The following IL1RL1 variants were observed in gnomAD, a reference collection of about 807,000 sequenced individuals.
The protein encoded by IL1RL1 is interleukin 1 receptor like 1, also known as interleukin-1 receptor-like 1.
Under a neutral mutation model 50.9 loss-of-function variants are expected in IL1RL1, and 32 were observed. The ratio of observed to expected loss-of-function variants is 0.63; its 90% CI spans 0.47 to 0.84. IL1RL1 has a LOEUF of 0.84. IL1RL1 is among the 40% of genes least tolerant of loss of function. The probability of loss-of-function intolerance (pLI) is 0.00; values close to 1 mark genes in which losing one functional copy is unlikely to be tolerated. For missense variants in IL1RL1, 773 were observed against 662.9 expected (o/e 1.17, Z -1.82); for synonymous variants, 275 against 236.0 (o/e 1.17, Z -1.51).
intron 8 of IL1RL1, chr2:102,345,436 G>T (rs772299753): frequency 3.9e-5 from 38 of 985,074 alleles, no homozygotes; most frequent in Non-Finnish European, 4.5e-5. Flanking sequence ...CTCCTCAGGG[G>T]CTGTACAATC....
chr2:102,351,781 A>T lies in IL1RL1; in HGVS notation c.1531A>T (p.Lys511Ter). The change falls in exon 11 of 11, where the codon AAG (lysine) becomes TAG (stop). Residue 511 changes from lysine to a stop codon, truncating the protein, a stop_gained. Coordinates refer to ENST00000233954, the MANE Select transcript of IL1RL1 (RefSeq NM_016232.5). LOFTEE classifies it low-confidence loss of function (END_TRUNC). ...QHLMKVQGTIKWREDHIANKR... is the reference protein window; with the variant it reads ...QHLMKVQGTI ...TCTTATGAAAGTACAGGGGACCATC[A>T]AGTGGAGGGAGGACCACATTGCCAA... 6.2e-7 allele frequency: 1 copy of T among 1,614,070 alleles called. No individual in the cohort carries two copies.
intron 1 of IL1RL1, among the ~76,000 whole-genome samples, chr2:102,323,245 T>C (rs1676886132): frequency 1.8e-5 from 1 of 57,084 alleles, no homozygotes; most frequent in Non-Finnish European, 3.6e-5. Flanking sequence ...TTTTGTTAGG[T>C]TTTATATATA....
intron 1 of IL1RL1, among the ~76,000 whole-genome samples, chr2:102,312,035 T>TATTTATATATAATATATATTATATA (rs1204528332): frequency 1.8e-5 from 1 of 55,102 alleles, no homozygotes; most frequent in African/African-American, 6.9e-5. Context: ...ATATTATATA[T>TATTTATATATAATATATATTATATA]TAAATATTAT....
At chr2:102,351,308 A>G (rs542738427) in intron 10 of IL1RL1, among the ~76,000 whole-genome samples, 1 of 152,320 alleles carries the variant, frequency 6.6e-6, no homozygotes, top group East Asian at 1.9e-4. Flanking sequence ...AGACTAAGCT[A>G]CCTGGGAAAT....
At chr2:102,329,270 A>C (rs1677105132) in intron 1 of IL1RL1, among the ~76,000 whole-genome samples, 1 of 152,218 alleles carries the variant, frequency 6.6e-6, no homozygotes, top group Non-Finnish European at 1.5e-5. Context: ...GGGTGCTGGG[A>C]TATCTGGCTA....
chr2:102,343,692 C>T, intron 8 of IL1RL1: 1 of 1,355,126 alleles, frequency 7.4e-7, no homozygotes, highest in East Asian at 2.9e-5. Flanking sequence ...TCCTTGTTTT[C>T]TAACTTTATG....
At chr2:102,315,175 C>T (rs1676640665) in intron 1 of IL1RL1, among the ~76,000 whole-genome samples, 1 of 152,108 alleles carries the variant, frequency 6.6e-6, no homozygotes, top group Admixed American at 6.6e-5. Flanking sequence ...CTCTCAGCCC[C>T]ACTGCCACCC....
chr2:102,311,846 A>ATATAATTATATAATATATAT (rs1676484798), intron 1 of IL1RL1, among the ~76,000 whole-genome samples: 3 of 78,108 alleles, frequency 3.8e-5, no homozygotes, highest in African/African-American at 1.5e-4. Flanking sequence ...TATAATTGTA[A>ATATAATTATATAATATATAT]TATATAATAT....
In IL1RL1 at chr2:102,338,052, T is replaced by C. The variant is rs1677392642; in HGVS notation, c.-149-64T>C. On this transcript the variant is annotated intron_variant, in intron 1 of 10. Transcript: ENST00000233954. ...ACTGATTCATTCTCCTGGGTGGTGC[T>C]GAGAAAGTAAAAATCATGGCTGATA... is the stretch of plus-strand genomic sequence containing the variant. The C allele has an allele frequency of 1.1e-5, 4 of 378,348 alleles. 1 individual carries two copies. Among genetic ancestry groups the C allele is most frequent in the East Asian group, 8.2e-5 (2 of 24,356 alleles). 23.4% of individuals were successfully genotyped at this position (378,348 alleles called of 1,614,324 possible).
intron 1 of IL1RL1, among the ~76,000 whole-genome samples, chr2:102,334,919 A>C (rs997557124): frequency 6.6e-6 from 1 of 152,026 alleles, no homozygotes; most frequent in African/African-American, 2.4e-5. Context: ...TTGTTTTTTT[A>C]ATGGTTATGT....
intron 1 of IL1RL1, chr2:102,337,082 T>C (rs1677352500): frequency 1.3e-5 from 2 of 152,220 alleles, no homozygotes; most frequent in African/African-American, 4.8e-5. Context: ...AATTATTTCC[T>C]CTCAAGGGAT....
rs771404675 is a variant in IL1RL1, at chr2:102,340,723, G to A, written c.505G>A (p.Asp169Asn). 4 of 1,601,204 alleles carry A rather than the reference G, an allele frequency of 2.5e-6. No individual in the cohort carries two copies. The highest frequency in any genetic ancestry group is 3.4e-6 in the Non-Finnish European group (4 of 1,176,374). ...YRAHKSFLVI[D>N]NVMTEDAGDY... is the part of the protein sequence containing the mutation. ...GGCGCACAAGTCATTTTTGGTCATT[G>A]ATAATGTGATGACTGAGGACGCAGG... Residue 169 changes from aspartate (D) to asparagine (N), a missense_variant, in exon 5 of 11, where the codon GAT becomes AAT. Asp to Asn is a conservative substitution (Grantham distance 23). Transcript: ENST00000233954.
chr2:102,327,538 A>G (rs1441445064), intron 1 of IL1RL1, among the ~76,000 whole-genome samples: 5 of 152,112 alleles, frequency 3.3e-5, no homozygotes, highest in African/African-American at 4.8e-5. Flanking sequence ...GACACAAAAA[A>G]CCCTTCAAAA....
At chr2:102,328,350 G>A (rs543919624) in intron 1 of IL1RL1, among the ~76,000 whole-genome samples, 2,798 of 152,030 alleles carry the variant, frequency 0.018, 93 homozygotes, top group African/African-American at 0.063. Context: ...TTGATGGGAC[G>A]TATCTCAAAA....
At position 102,351,873 on chromosome 2, in the gene IL1RL1, T is replaced by C. The variant is rs767247490; in HGVS notation, c.1623T>C (p.Ile541=). The C allele has an allele frequency of 2.0e-4, 317 of 1,613,650 alleles. 1 individual carries two copies. Among genetic ancestry groups the C allele is most frequent in the Admixed American group, 6.3e-4 (38 of 59,978 alleles). Residue 541 remains isoleucine (I), a synonymous_variant, in exon 11 of 11, where the codon ATT becomes ATC. Transcript: ENST00000233954. ...ACCAAATGCCTGTGCCAAGCAAAAT[T>C]CCCAGAAAGGCCTCTAGTTTGACTC... ...VRYQMPVPSK[I]PRKASSLTPL...
chr2:102,339,696 C>A (rs1677466845), intron 3 of IL1RL1, among the ~76,000 whole-genome samples: 1 of 152,110 alleles, frequency 6.6e-6, no homozygotes, highest in Admixed American at 6.5e-5. Flanking sequence ...CTGTAAAATG[C>A]ATATAATGTA....
At chr2:102,311,918 TTATATAATATATATTATATATAATATTA>T (rs1405331355) in intron 1 of IL1RL1, among the ~76,000 whole-genome samples, 21 of 34,846 alleles carry the variant, frequency 6.0e-4, no homozygotes, top group East Asian at 1.4e-3. Flanking sequence ...ATATATTTTA[TTATATAATATATATTATATATAATATTA>T]TATATAATAT....
chr2:102,348,128 A>G (rs1472095315), intron 9 of IL1RL1, 37 bp downstream of exon 9: 1 of 1,557,102 alleles, frequency 6.4e-7, no homozygotes, highest in East Asian at 2.3e-5. Flanking sequence ...CCCAAAGAAA[A>G]AGTCCCATAA....
intron 1 of IL1RL1, among the ~76,000 whole-genome samples, chr2:102,329,961 C>T (rs1677126659): frequency 6.6e-6 from 1 of 152,148 alleles, no homozygotes; most frequent in Non-Finnish European, 1.5e-5. Context: ...ACTAGAATTA[C>T]CATTTGACTC....
Sources: allele counts gnomAD v4.1 joint callset (sites outside exome capture counted in the v4.1 genomes callset), GRCh38; gene constraint gnomAD v4.1.1; transcripts MANE v1.5; gene names NCBI Gene and HGNC (gene_info 2026-07-23, HGNC 2026-07-21).